MACROD2: variants seen among roughly 807,000 people sequenced by gnomAD.
MACROD2 encodes the protein mono-ADP ribosylhydrolase 2.
MACROD2 carries 36 observed loss-of-function variants against 70.4 expected under a neutral mutation model. That is an observed-to-expected ratio of 0.51 (90% CI 0.39 to 0.68). The LOEUF (loss-of-function observed/expected upper bound fraction) is 0.68, where lower values mean the gene tolerates loss of function less well. MACROD2 is among the 30% of genes least tolerant of loss of function. The pLI is 0.00. For synonymous variants in MACROD2, 172 were observed against 178.8 expected (o/e 0.96, Z 0.30); for missense variants, 496 against 538.4 (o/e 0.92, Z 0.78).
At chr20:15,023,697 T>G (rs900650672) in intron 5 of MACROD2, among the ~76,000 whole-genome samples, 5 of 152,052 alleles carry the variant, frequency 3.3e-5, no homozygotes, top group Non-Finnish European at 2.9e-5. Context: ...TGAAACTTAT[T>G]CACTATCAAG....
chr20:14,046,883 T>C (rs2053485072), intron 2 of MACROD2, among the ~76,000 whole-genome samples: 1 of 152,136 alleles, frequency 6.6e-6, no homozygotes, highest in Admixed American at 6.6e-5. Context: ...ATATTGTGTG[T>C]GAGAGTGAAA....
At chr20:15,374,555 C>T (rs2146266892) in intron 6 of MACROD2, among the ~76,000 whole-genome samples, 1 of 152,142 alleles carries the variant, frequency 6.6e-6, no homozygotes, top group Non-Finnish European at 1.5e-5. Flanking sequence ...TGCCAGCTTT[C>T]CCTGAGTCTA....
At chr20:14,231,820 A>G (rs1426596597) in intron 3 of MACROD2, among the ~76,000 whole-genome samples, 1 of 152,074 alleles carries the variant, frequency 6.6e-6, no homozygotes, top group Non-Finnish European at 1.5e-5. Context: ...TGACTTTTTA[A>G]TGATTGCCAT....
intron 3 of MACROD2, among the ~76,000 whole-genome samples, chr20:14,177,466 A>T (rs1181888053): frequency 6.6e-6 from 1 of 151,820 alleles, no homozygotes. Context: ...ACAGGTATGC[A>T]CCACCACGCC....
chr20:14,274,990 A>C (rs1361024127), intron 3 of MACROD2, among the ~76,000 whole-genome samples: 1 of 152,196 alleles, frequency 6.6e-6, no homozygotes, highest in African/African-American at 2.4e-5. Context: ...GCTCAATGAA[A>C]TAAAAGAGGA....
chr20:15,233,809 C>T (rs1487837697), intron 6 of MACROD2, among the ~76,000 whole-genome samples: 6 of 150,092 alleles, frequency 4.0e-5, no homozygotes, highest in East Asian at 2.0e-4. Flanking sequence ...CTAATCTTAC[C>T]GTAAATCGTT....
At chr20:14,249,906 TG>T (rs2081996905) in intron 3 of MACROD2, among the ~76,000 whole-genome samples, 1 of 151,124 alleles carries the variant, frequency 6.6e-6, no homozygotes, top group South Asian at 2.1e-4. Flanking sequence ...GACACGGGGG[TG>T]GGGGATAGCA....
At chr20:14,276,629 A>G (rs1282300605) in intron 3 of MACROD2, among the ~76,000 whole-genome samples, 1 of 151,988 alleles carries the variant, frequency 6.6e-6, no homozygotes, top group Non-Finnish European at 1.5e-5. Flanking sequence ...AAGTATAATA[A>G]TAATAAAATA....
intron 6 of MACROD2, among the ~76,000 whole-genome samples, chr20:15,357,067 A>T (rs879472449): frequency 2.0e-5 from 3 of 152,200 alleles, no homozygotes; most frequent in Admixed American, 2.0e-4. Flanking sequence ...ATTAGTCTAG[A>T]TGCACATGTG....
At chr20:15,090,844 A>T (rs2075787555) in intron 5 of MACROD2, among the ~76,000 whole-genome samples, 2 of 152,118 alleles carry the variant, frequency 1.3e-5, no homozygotes, top group African/African-American at 2.4e-5. Context: ...TTCTAGGGAT[A>T]CTTTCTGTGC....
intron 4 of MACROD2, among the ~76,000 whole-genome samples, chr20:14,543,661 C>T (rs2085459269): frequency 6.6e-6 from 1 of 152,096 alleles, no homozygotes; most frequent in Admixed American, 6.6e-5. Context: ...TGCAGATGCT[C>T]CTCAACTTGC....
intron 5 of MACROD2, among the ~76,000 whole-genome samples, chr20:14,958,373 A>G (rs993186847): frequency 2.0e-5 from 3 of 152,158 alleles, no homozygotes; most frequent in African/African-American, 7.2e-5. Flanking sequence ...TACAAATAAG[A>G]ATGTTTCCTT....
At chr20:15,424,029 C>T (rs1415098329) in intron 6 of MACROD2, among the ~76,000 whole-genome samples, 2 of 152,048 alleles carry the variant, frequency 1.3e-5, no homozygotes, top group South Asian at 2.1e-4. Context: ...AGCTAGGTAG[C>T]TCTCTGACCT....
chr20:14,683,802 C>CT (rs1304780263), intron 4 of MACROD2, among the ~76,000 whole-genome samples: 5 of 152,052 alleles, frequency 3.3e-5, no homozygotes, highest in African/African-American at 9.7e-5. Flanking sequence ...CTCTAATATT[C>CT]TATCTATTTT....
At chr20:14,522,896 T>C (rs1246749923) in intron 4 of MACROD2, among the ~76,000 whole-genome samples, 1 of 152,196 alleles carries the variant, frequency 6.6e-6, no homozygotes, top group African/African-American at 2.4e-5. Context: ...CCCTACCTCC[T>C]AGAGCAGTGT....
In MACROD2 at chr20:15,056,133, C is replaced by T. The variant is rs1010305552; in HGVS notation, c.419-173807C>T. 2.6e-5 allele frequency among the ~76,000 whole-genome samples: 4 copies of T among 152,098 alleles called. 1 individual carries two copies. The highest frequency in any genetic ancestry group is 2.9e-5 in the Non-Finnish European group (2 of 68,022). ...TACTTGACAGCTGCAAGACAGCACC[C>T]GACCCCCTCCTCTGTATGCAGACTA... On this transcript the variant is annotated intron_variant, in intron 5 of 17. Transcript: ENST00000684519.
intron 15 of MACROD2, among the ~76,000 whole-genome samples, chr20:16,036,414 A>G (rs533969042): frequency 6.6e-6 from 1 of 152,086 alleles, no homozygotes; most frequent in African/African-American, 2.4e-5. Flanking sequence ...CCACTAACCT[A>G]GAAAAAATTG....
chr20:14,184,334 T>C (rs2081327748), intron 3 of MACROD2, among the ~76,000 whole-genome samples: 1 of 152,084 alleles, frequency 6.6e-6, no homozygotes, highest in South Asian at 2.1e-4. Flanking sequence ...ATCAGGTAAC[T>C]GTAGGTGTGT....
At chr20:15,467,493 G>A (rs541684976) in intron 7 of MACROD2, among the ~76,000 whole-genome samples, 2 of 152,190 alleles carry the variant, frequency 1.3e-5, no homozygotes, top group Admixed American at 6.5e-5. Flanking sequence ...TGCACTCCCC[G>A]TTTTACAGAT....
Sources: allele counts gnomAD v4.1 joint callset (sites outside exome capture counted in the v4.1 genomes callset), GRCh38; gene constraint gnomAD v4.1.1; transcripts MANE v1.5; gene names NCBI Gene and HGNC (gene_info 2026-07-23, HGNC 2026-07-21).